Variants in NCKAP5 observed in about 807,000 individuals in gnomAD.
The protein encoded by NCKAP5 is nck-associated protein 5.
Under a neutral mutation model 167.0 loss-of-function variants are expected in NCKAP5, and 92 were observed. The observed-to-expected ratio is 0.55, with a 90% CI of 0.47 to 0.66. NCKAP5 has a LOEUF of 0.66. NCKAP5 is among the 30% of genes least tolerant of loss of function. The probability of loss-of-function intolerance (pLI) is 0.00; values close to 1 mark genes in which losing one functional copy is unlikely to be tolerated. For synonymous variants in NCKAP5, 891 were observed against 877.4 expected (o/e 1.02, Z -0.27); for missense variants, 2,378 against 2,315.0 (o/e 1.03, Z -0.56).
At chr2:133,666,184 TC>T in the NCKAP5 span, among the ~76,000 whole-genome samples, 3 of 143,040 alleles carry the variant, frequency 2.1e-5, no homozygotes, top group African/African-American at 5.1e-5. Flanking sequence ...TAGATCTACA[TC>T]CTTTTTTTTT....
At chr2:133,515,196 A>G (rs1251439923) in intron 3 of NCKAP5, among the ~76,000 whole-genome samples, 3 of 152,186 alleles carry the variant, frequency 2.0e-5, no homozygotes, top group Non-Finnish European at 2.9e-5. Context: ...GGTGCTTTCA[A>G]TGGTTCCCAT....
intron 3 of NCKAP5, among the ~76,000 whole-genome samples, chr2:133,451,928 TAC>T (rs1177157506): frequency 6.6e-6 from 1 of 152,166 alleles, no homozygotes; most frequent in Middle Eastern, 3.2e-3. Flanking sequence ...CAAGCACAAT[TAC>T]ACACACACAT....
chr2:133,202,631 C>A (rs1289302997), intron 5 of NCKAP5, among the ~76,000 whole-genome samples: 1 of 152,144 alleles, frequency 6.6e-6, no homozygotes, highest in Non-Finnish European at 1.5e-5. Context: ...TTTTTGCAAT[C>A]TACCCATCTG....
intron 5 of NCKAP5, 53 bp from the exon 6 acceptor site, chr2:133,130,164 A>T: frequency 1.9e-6 from 3 of 1,561,818 alleles, no homozygotes; most frequent in Non-Finnish European, 2.6e-6. Context: ...TGACAAAAAT[A>T]AGAAATAGCT....
Position 132,829,729 on chromosome 2 carries a change from G to T in NCKAP5, c.807+30763C>A, listed in dbSNP as rs537098619. On this transcript the variant is annotated intron_variant, in intron 11 of 19. Coordinates refer to ENST00000409261, the MANE Select transcript of NCKAP5 (RefSeq NM_207363.3). Reference sequence around the variant, plus strand: ...CCTACACCCAGATGTTCTGAATCAGGAGGTGTAGGGTGGGCCCGAGAACTT... The same window carrying T: ...CCTACACCCAGATGTTCTGAATCAGTAGGTGTAGGGTGGGCCCGAGAACTT... 3.3e-5 allele frequency among the ~76,000 whole-genome samples: 5 copies of T among 152,270 alleles called. No individual in the cohort carries two copies. In the South Asian group the frequency reaches 1.0e-3, roughly 32 times the overall value.
rs181163461 is a variant in NCKAP5, at chr2:133,175,769, T to C, written c.207+37947A>G. 8.5e-4 allele frequency among the ~76,000 whole-genome samples: 130 copies of C among 152,334 alleles called. 1 individual carries two copies. Among genetic ancestry groups the C allele is most frequent in the Middle Eastern group, 6.8e-3 (2 of 294 alleles). ...AGATGGGAAACTAGAATTCAAATGA[T>C]AAGCCTAATTGGGTTAGGAGCCACC... is the stretch of plus-strand genomic sequence containing the variant. On this transcript the variant is annotated intron_variant, in intron 5 of 19. Coordinates refer to ENST00000409261, the MANE Select transcript of NCKAP5 (RefSeq NM_207363.3).
At chr2:132,745,048 T>G (rs907489818) in intron 16 of NCKAP5, among the ~76,000 whole-genome samples, 1 of 151,794 alleles carries the variant, frequency 6.6e-6, no homozygotes, top group Non-Finnish European at 1.5e-5. Flanking sequence ...AAAAAAATGA[T>G]CATTTCTTTA....
chr2:133,602,733 G>A, the NCKAP5 span, among the ~76,000 whole-genome samples: 2 of 152,156 alleles, frequency 1.3e-5, no homozygotes, highest in African/African-American at 2.4e-5. Flanking sequence ...ACAGGCCTTG[G>A]GCCAGCTTCA....
rs542314598 is a variant in NCKAP5 at position 133,430,215 on chromosome 2, T to TA, written c.69+87242dup. ...TATACAATTATCTTTGCCCACTTTT[T>TA]AATAAATTTGTTTTTTCTTGTTGAC... is the stretch of plus-strand genomic sequence containing the variant. On this transcript the variant is annotated intron_variant, in intron 3 of 19. Coordinates refer to ENST00000409261, the MANE Select transcript of NCKAP5 (RefSeq NM_207363.3). 1.8e-3 allele frequency among the ~76,000 whole-genome samples: 274 copies of TA among 152,232 alleles called. 1 individual carries two copies. The highest frequency in any genetic ancestry group is 6.4e-3 in the African/African-American group (266 of 41,588).
chr2:133,098,986 T>G (rs1005561671), intron 6 of NCKAP5, among the ~76,000 whole-genome samples: 3 of 152,140 alleles, frequency 2.0e-5, no homozygotes, highest in African/African-American at 7.2e-5. Flanking sequence ...GACACAGACT[T>G]GGCAGTGTCA....
intron 3 of NCKAP5, among the ~76,000 whole-genome samples, chr2:133,352,155 C>A (rs1403211827): frequency 6.6e-6 from 1 of 152,154 alleles, no homozygotes. Flanking sequence ...CCATTTAAAA[C>A]CTAAATAACC....
chr2:132,906,194 T>A (rs912656777), intron 8 of NCKAP5, among the ~76,000 whole-genome samples: 22 of 152,222 alleles, frequency 1.4e-4, no homozygotes, highest in Non-Finnish European at 2.6e-4. Context: ...GATTTGGGTA[T>A]CTTTCCATCC....
intron 2 of NCKAP5, among the ~76,000 whole-genome samples, chr2:133,539,965 G>A (rs144183985): frequency 0.022 from 3,413 of 152,284 alleles, 59 homozygotes; most frequent in Non-Finnish European, 0.035. Flanking sequence ...CAGATCATGA[G>A]GTCAGGAGAT....
chr2:133,517,863 C>T (rs919610052), intron 2 of NCKAP5, among the ~76,000 whole-genome samples: 2 of 152,030 alleles, frequency 1.3e-5, no homozygotes, highest in Non-Finnish European at 2.9e-5. Context: ...GCAAACAGTC[C>T]GTTTCATGCC....
At chr2:133,183,645 G>A (rs184977652) in intron 5 of NCKAP5, among the ~76,000 whole-genome samples, 1 of 152,230 alleles carries the variant, frequency 6.6e-6, no homozygotes, top group East Asian at 1.9e-4. Context: ...AAAAAAGACT[G>A]AAAGTTTTCT....
chr2:132,851,827 G>A (rs2105485762), intron 11 of NCKAP5, among the ~76,000 whole-genome samples: 1 of 152,296 alleles, frequency 6.6e-6, no homozygotes, highest in Admixed American at 6.5e-5. Context: ...TTTCAGGGCA[G>A]CTCTTAGACC....
intron 5 of NCKAP5, among the ~76,000 whole-genome samples, chr2:133,155,052 A>T (rs2149905498): frequency 6.6e-6 from 1 of 152,300 alleles, no homozygotes; most frequent in East Asian, 1.9e-4. Context: ...CTCCTGGTAT[A>T]TATCTCCCCT....
intron 6 of NCKAP5, among the ~76,000 whole-genome samples, chr2:133,109,560 T>A (rs1286843437): frequency 1.1e-4 from 16 of 152,180 alleles, no homozygotes. Flanking sequence ...TCTATTTTAT[T>A]TATAATTTTT....
intron 19 of NCKAP5, among the ~76,000 whole-genome samples, chr2:132,718,798 G>A (rs1040508121): frequency 3.9e-5 from 6 of 152,160 alleles, no homozygotes; most frequent in Non-Finnish European, 7.3e-5. Flanking sequence ...AAATACCTAG[G>A]ATATGCCATG....
Sources: allele counts gnomAD v4.1 joint callset (sites outside exome capture counted in the v4.1 genomes callset), GRCh38; gene constraint gnomAD v4.1.1; transcripts MANE v1.5; gene names NCBI Gene and HGNC (gene_info 2026-07-23, HGNC 2026-07-21).